The following CARS1 variants were observed in gnomAD, a reference collection of about 807,000 sequenced individuals.
CARS1 encodes the protein cysteine--tRNA ligase, cytoplasmic.
A neutral mutation model predicts 106.2 loss-of-function variants in CARS1; 48 were observed. The observed-to-expected ratio is 0.45, with a 90% CI of 0.36 to 0.57. The LOEUF is 0.57. Among genes scored for constraint, CARS1 ranks in the 20% least tolerant of loss-of-function variants. The probability of loss-of-function intolerance (pLI) is 0.00; values close to 1 mark genes in which losing one functional copy is unlikely to be tolerated. For missense variants in CARS1, 968 were observed against 1,057.2 expected (o/e 0.92, Z 1.17); for synonymous variants, 409 against 403.4 (o/e 1.01, Z -0.17).
At chr11:3,047,095 G>A (rs1855166000) in intron 2 of CARS1, among the ~76,000 whole-genome samples, 1 of 152,068 alleles carries the variant, frequency 6.6e-6, no homozygotes. Context: ...GGCTAACACG[G>A]TGAAACCCCG....
At chr11:3,013,743 C>A (rs975821282) in intron 17 of CARS1, among the ~76,000 whole-genome samples, 1 of 152,074 alleles carries the variant, frequency 6.6e-6, no homozygotes, top group Non-Finnish European at 1.5e-5. Flanking sequence ...GTCCCAGCTA[C>A]TCAGGAGGCT....
rs1313426748 is a variant in CARS1 at position 3,028,012 on chromosome 11, G to A, written c.1031+984C>T. The A allele has an allele frequency of 1.7e-5, 6 of 362,464 alleles. No homozygotes were observed. Among genetic ancestry groups the A allele is most frequent in the Admixed American group, 3.3e-5 (1 of 30,252 alleles). The allele number at this position is 362,464 out of a possible 1,614,324, so 22.5% of individuals were successfully genotyped here. A position where few individuals can be genotyped will look rare whatever the true frequency, so the allele number is the denominator to read the frequency against. ...TGTGATGCTGTGCTTCAGCGGTCAC[G>A]CTCCTAGTCCTCCTTCATGTTCCAT... On this transcript the variant is annotated intron_variant, in intron 9 of 22. Transcript: ENST00000380525. This position sits in a 1 kb window ranked among gnomAD's most constrained non-coding sequence, Gnocchi z 4.4.
chr11:3,013,697 A>G (rs1404634622), intron 17 of CARS1, among the ~76,000 whole-genome samples: 1 of 151,974 alleles, frequency 6.6e-6, no homozygotes, highest in Admixed American at 6.6e-5. Context: ...TAAAATACAA[A>G]AAAAAATTAG....
chr11:3,010,780 C>T (rs773487545), intron 18 of CARS1, among the ~76,000 whole-genome samples: 1 of 152,256 alleles, frequency 6.6e-6, no homozygotes, highest in Non-Finnish European at 1.5e-5. Context: ...CTCCGCCTCT[C>T]GGCCCCTCCA....
In CARS1 at chr11:3,052,152, T is replaced by C. The variant is rs1222434057; in HGVS notation, c.26-4151A>G. Among the ~76,000 whole-genome samples the C allele has an allele frequency of 6.6e-6, 1 of 152,246 alleles. No homozygotes were observed. Among genetic ancestry groups the C allele is most frequent in the Non-Finnish European group, 1.5e-5 (1 of 68,040 alleles). ...GGCGGCTGCAGTGGCTTTTGAGCGC[T>C]GAGGAAGCAGTCTGGGAACTGAAGC... is the stretch of plus-strand genomic sequence containing the variant. On this transcript the variant is annotated intron_variant, in intron 1 of 22. Coordinates refer to ENST00000380525, the MANE Select transcript of CARS1 (RefSeq NM_001014437.3). This position sits in a 1 kb window ranked among gnomAD's most constrained non-coding sequence, Gnocchi z 4.6.
intron 16 of CARS1, among the ~76,000 whole-genome samples, chr11:3,016,825 G>A (rs1201583560): frequency 2.0e-5 from 3 of 152,228 alleles, no homozygotes; most frequent in Middle Eastern, 6.8e-3. Context: ...TGTTGTCCAG[G>A]CTGGTTTTGA....
At chr11:3,023,655 A>G (rs1174764996) in intron 10 of CARS1, among the ~76,000 whole-genome samples, 3 of 151,964 alleles carry the variant, frequency 2.0e-5, no homozygotes, top group Admixed American at 6.6e-5. Flanking sequence ...TCGGCCTCCC[A>G]AAGTGCTGAA....
rs1378226205 is a variant in CARS1 at position 3,050,887 on chromosome 11, C to T, written c.26-2886G>A. On this transcript the variant is annotated intron_variant, in intron 1 of 22. Coordinates refer to ENST00000380525, the MANE Select transcript of CARS1 (RefSeq NM_001014437.3). The surrounding 1 kb of genome is among the most constrained non-coding windows in gnomAD (Gnocchi z 6.3). ...GCAGCACCCCTGTCTAACACGTGCC[C>T]GCATTTCTTTCCTTCACCATCTGCC... 6.6e-6 allele frequency among the ~76,000 whole-genome samples: 1 copy of T among 152,226 alleles called. No homozygotes were observed.
chr11:3,057,342 C>A lies in CARS1; in HGVS notation c.25+1G>T, dbSNP rs1359910324. 6.2e-7 allele frequency: 1 copy of A among 1,609,800 alleles called. No individual in the cohort carries two copies. The highest frequency in any genetic ancestry group is 8.5e-7 in the Non-Finnish European group (1 of 1,178,598). On this transcript the variant is annotated splice_donor_variant, in intron 1 of 22. Coordinates refer to ENST00000380525, the MANE Select transcript of CARS1 (RefSeq NM_001014437.3). LOFTEE classifies it high-confidence loss of function. The stretch of plus-strand genomic sequence containing the variant: ...CAGCCTGGCCCGGCCGCGCCGCTCA[C>A]CCTGCTGCCCGGAGGAATCTGCCAT...
In CARS1 at chr11:3,047,812, T is replaced by A; in HGVS notation, c.215A>T (p.His72Leu). The A allele has an allele frequency of 6.2e-7, 1 of 1,614,142 alleles. No individual in the cohort carries two copies. The highest frequency in any genetic ancestry group is 8.5e-7 in the Non-Finnish European group (1 of 1,180,010). Reference protein sequence around the residue: ...QLFHVARWFRHIEALLGSPCG... With the variant: ...QLFHVARWFRLIEALLGSPCG... ...GGGGCTACCCAGGAGCGCTTCTATG[T>A]GCCTGAACCACCGAGCCACGTGGAA... is the stretch of plus-strand genomic sequence containing the variant. Residue 72 changes from histidine (H) to leucine (L), a missense_variant, in exon 2 of 23, where the codon CAC becomes CTC. By Grantham distance (99) the His-to-Leu change is moderately conservative. Transcript: ENST00000380525.
intron 16 of CARS1, among the ~76,000 whole-genome samples, chr11:3,016,817 T>A (rs908047480): frequency 1.3e-5 from 2 of 152,164 alleles, no homozygotes; most frequent in African/African-American, 4.8e-5. Context: ...TCTCACTATG[T>A]TGTCCAGGCT....
At chr11:3,024,966 T>C (rs549273766) in intron 10 of CARS1, among the ~76,000 whole-genome samples, 10 of 152,208 alleles carry the variant, frequency 6.6e-5, no homozygotes, top group Admixed American at 2.6e-4. Context: ...AAACCTTTCA[T>C]ATCCGTATTA....
intron 1 of CARS1, among the ~76,000 whole-genome samples, chr11:3,056,260 G>T (rs895464672): frequency 4.6e-5 from 7 of 152,236 alleles, no homozygotes; most frequent in African/African-American, 1.7e-4. Flanking sequence ...GAGGGTGGGG[G>T]CTGGAGGTGT....
chr11:3,006,903 C>T lies in CARS1; in HGVS notation c.2125G>A (p.Gly709Arg), dbSNP rs1849923023. 2 of 1,614,136 alleles carry T rather than the reference C, an allele frequency of 1.2e-6. No homozygotes were observed. Among genetic ancestry groups the T allele is most frequent in the East Asian group, 4.5e-5 (2 of 44,890 alleles). Residue 709 changes from glycine to arginine, a missense_variant, in exon 19 of 23, where the codon GGG becomes AGG. Coordinates refer to ENST00000380525, the MANE Select transcript of CARS1 (RefSeq NM_001014437.3). ...ALRDNILPEL[G>R]VRFEDHEGLP... The stretch of plus-strand genomic sequence containing the variant: ...CCTTCGTGGTCTTCAAACCGCACCC[C>T]AAGCTCGGGCAGGATGTTGTCCCGC...
At chr11:3,005,493 GC>G in intron 19 of CARS1, 60 bp from the exon 20 acceptor site, 1 of 1,355,944 alleles carries the variant, frequency 7.4e-7, no homozygotes, top group Non-Finnish European at 1.1e-6. Context: ...CCACTGCGGG[GC>G]CAGCCCTGCC....
intron 7 of CARS1, among the ~76,000 whole-genome samples, chr11:3,032,264 G>A (rs1212136419): frequency 6.6e-6 from 1 of 152,000 alleles, no homozygotes; most frequent in Non-Finnish European, 1.5e-5. Context: ...GTAGAGACGG[G>A]GTTTCACCAT....
chr11:3,002,291 G>A (rs1351618234), intron 21 of CARS1: 3 of 661,216 alleles, frequency 4.5e-6, no homozygotes, highest in African/African-American at 3.6e-5. Context: ...CCTAATAGTA[G>A]TAAGTCTATA....
chr11:3,042,103 G>C, intron 3 of CARS1, 62 bp downstream of exon 3: 1 of 1,243,516 alleles, frequency 8.0e-7, no homozygotes. Flanking sequence ...AAGGCACATG[G>C]GCTGTCCTGC....
intron 1 of CARS1, chr11:3,054,815 T>C: frequency 1.4e-6 from 1 of 696,664 alleles, no homozygotes; most frequent in Non-Finnish European, 2.6e-6. Context: ...GAAAAAATGC[T>C]GGCTGTGTTA....
Sources: gnomAD v4.1 joint callset for allele counts (sites outside exome capture counted in the v4.1 genomes callset) on GRCh38, gnomAD v4.1.1 for gene constraint, Gnocchi (gnomAD v3.1) non-coding constraint, MANE v1.5 for transcripts, NCBI Gene and HGNC (gene_info 2026-07-23, HGNC 2026-07-21) for gene names.